Variants in IL33 observed in about 807,000 individuals in gnomAD.
IL33 encodes interleukin-33.
In IL33, 37 loss-of-function variants were observed where a neutral mutation model predicts 27.3. The observed-to-expected ratio is 1.36, with a 90% CI of 1.04 to 1.78. IL33 has a LOEUF of 1.78. Ranked by LOEUF, IL33 falls within the 40% of genes most tolerant of loss-of-function variation. The probability of loss-of-function intolerance (pLI) is 0.00; values close to 1 mark genes in which losing one functional copy is unlikely to be tolerated. For synonymous variants in IL33, 132 were observed against 102.9 expected, an observed-to-expected ratio of 1.28 and a Z score of -1.71; for missense variants, 406 against 311.4, an observed-to-expected ratio of 1.30 and a Z score of -2.29.
At chr9:6,229,038 G>A (rs1275564250) in intron 1 of IL33, among the ~76,000 whole-genome samples, 1 of 152,082 alleles carries the variant, frequency 6.6e-6, no homozygotes, top group African/African-American at 2.4e-5. Flanking sequence ...TCTGAGGATG[G>A]TACCCTTTGT....
intron 1 of IL33, among the ~76,000 whole-genome samples, chr9:6,237,795 G>T (rs1248451869): frequency 1.3e-5 from 2 of 152,134 alleles, no homozygotes; most frequent in Non-Finnish European, 2.9e-5. Context: ...ACCAGGAATT[G>T]TTTTTTCTAG....
chr9:6,243,554 C>T (rs1476622583), intron 2 of IL33, among the ~76,000 whole-genome samples: 1 of 152,098 alleles, frequency 6.6e-6, no homozygotes, highest in African/African-American at 2.4e-5. Flanking sequence ...GGGGTTTCAC[C>T]AGGTTGGCCA....
chr9:6,220,071 TC>T (rs1279657880), intron 1 of IL33, among the ~76,000 whole-genome samples: 2 of 152,238 alleles, frequency 1.3e-5, no homozygotes, highest in East Asian at 3.8e-4. Context: ...TCTGTCTATT[TC>T]CTTCAGGGCT....
At chr9:6,219,603 A>G (rs1310548741) in intron 1 of IL33, among the ~76,000 whole-genome samples, 2 of 152,190 alleles carry the variant, frequency 1.3e-5, no homozygotes, top group African/African-American at 4.8e-5. Flanking sequence ...TTTGGATCTT[A>G]CTTAACTTTC....
At chr9:6,252,814 A>G (rs934157124) in intron 4 of IL33, 52 bp from the exon 5 acceptor site, 166 of 1,584,508 alleles carry the variant, frequency 1.0e-4, no homozygotes, top group Non-Finnish European at 1.3e-4. Flanking sequence ...CATTTTTTAA[A>G]AAGGTTGCCA....
intron 3 of IL33, 69 bp from the exon 4 acceptor site, chr9:6,251,071 G>T: frequency 1.9e-6 from 3 of 1,567,324 alleles, no homozygotes; most frequent in Non-Finnish European, 2.6e-6. Flanking sequence ...CCTTAACTGG[G>T]AATCCTCAAA....
At chr9:6,222,110 T>C (rs11794419) in intron 1 of IL33, among the ~76,000 whole-genome samples, 11,630 of 152,278 alleles carry the variant, frequency 0.076, 844 homozygotes, top group African/African-American at 0.19. Flanking sequence ...AAGGCAGTTC[T>C]GTTAAAACTT....
intron 1 of IL33, among the ~76,000 whole-genome samples, chr9:6,225,003 A>G (rs1818568132): frequency 6.6e-6 from 1 of 152,064 alleles, no homozygotes; most frequent in Non-Finnish European, 1.5e-5. Flanking sequence ...GCCTTTGTAT[A>G]TGCTGAGATT....
At chr9:6,222,872 G>T (rs1374207597) in intron 1 of IL33, among the ~76,000 whole-genome samples, 1 of 152,040 alleles carries the variant, frequency 6.6e-6, no homozygotes, top group Non-Finnish European at 1.5e-5. Flanking sequence ...TTGACTTTAT[G>T]AGTAGAATGT....
chr9:6,230,869 T>C (rs1818895515), intron 1 of IL33, among the ~76,000 whole-genome samples: 1 of 152,176 alleles, frequency 6.6e-6, no homozygotes, highest in South Asian at 2.1e-4. Flanking sequence ...AAGAGCCAGA[T>C]AGCCCTAATA....
chr9:6,229,433 G>C (rs1049255021), intron 1 of IL33, among the ~76,000 whole-genome samples: 2 of 152,222 alleles, frequency 1.3e-5, no homozygotes, highest in African/African-American at 4.8e-5. Flanking sequence ...CCACAGGCCA[G>C]CTGGAAAGTC....
rs924141300 is a variant in IL33 at position 6,244,249 on chromosome 9, T to C, written c.91+2464T>C. 3.7e-4 allele frequency among the ~76,000 whole-genome samples: 57 copies of C among 152,166 alleles called. 1 individual carries two copies. The highest frequency in any genetic ancestry group is 1.5e-4 in the Non-Finnish European group (10 of 68,024). ...AGTGATAAAAATAATCTCAAACTCA[T>C]TTGTATGGCTTTACAAATACATCAC... On this transcript the variant is annotated intron_variant, in intron 2 of 7. Coordinates refer to ENST00000682010, the MANE Select transcript of IL33 (RefSeq NM_033439.4).
At chr9:6,241,820 A>G (rs769332554) in intron 2 of IL33, 35 bp downstream of exon 2, 1 of 1,404,792 alleles carries the variant, frequency 7.1e-7, no homozygotes, top group Non-Finnish European at 1.0e-6. Context: ...TGTTTTACGC[A>G]CTATTTTTAT....
At chr9:6,232,085 T>C (rs1238033556) in intron 1 of IL33, among the ~76,000 whole-genome samples, 1 of 152,128 alleles carries the variant, frequency 6.6e-6, no homozygotes, top group Non-Finnish European at 1.5e-5. Flanking sequence ...AAGTGGGAAA[T>C]TGCTAATCAA....
upstream of IL33, among the ~76,000 whole-genome samples, chr9:6,215,172 G>A (rs1423006042): frequency 6.6e-6 from 1 of 152,178 alleles, no homozygotes; most frequent in African/African-American, 2.4e-5. Context: ...GAGATGGAGA[G>A]AGGGTGAGTA....
At chr9:6,239,370 C>T (rs974252726) in intron 1 of IL33, among the ~76,000 whole-genome samples, 1 of 152,046 alleles carries the variant, frequency 6.6e-6, no homozygotes, top group African/African-American at 2.4e-5. Context: ...ATTCTATCCC[C>T]AACACGTGCA....
At chr9:6,227,073 A>C (rs891080229) in intron 1 of IL33, among the ~76,000 whole-genome samples, 5 of 152,254 alleles carry the variant, frequency 3.3e-5, no homozygotes, top group African/African-American at 1.2e-4. Context: ...TGTCCTGAGA[A>C]GGTAAATTCT....
Position 6,250,610 on chromosome 9 carries a change from C to A in IL33, c.217+11C>A. On this transcript the variant is annotated intron_variant, in intron 3 of 7. Transcript: ENST00000682010. ...CTTCACTGAAAACAGGTAAGGGGAA[C>A]CGTACATTCTCTGGCAATAGTGATA... 1.2e-6 allele frequency: 2 copies of A among 1,609,964 alleles called. No homozygotes were observed. The highest frequency in any genetic ancestry group is 1.7e-6 in the Non-Finnish European group (2 of 1,178,698).
At chr9:6,226,578 AC>A (rs139409298) in intron 1 of IL33, among the ~76,000 whole-genome samples, 2,564 of 152,230 alleles carry the variant, frequency 0.017, 78 homozygotes, top group African/African-American at 0.057. Context: ...TCTCTAGGTC[AC>A]TGACTCTTTT....
Sources: gnomAD v4.1 joint callset for allele counts (sites outside exome capture counted in the v4.1 genomes callset) on GRCh38, gnomAD v4.1.1 for gene constraint, MANE v1.5 for transcripts, NCBI Gene and HGNC (gene_info 2026-07-23, HGNC 2026-07-21) for gene names.